The following LOC128092252 variants were observed in gnomAD, a reference collection of about 807,000 sequenced individuals.
the LOC128092252 span, among the ~76,000 whole-genome samples, chr15:50,673,850 A>C: frequency 1.3e-5 from 2 of 152,190 alleles, no homozygotes; most frequent in African/African-American, 4.8e-5. Flanking sequence ...TGTTTCCCAT[A>C]GTGGTTGTAC....
At chr15:50,678,870 A>G in the LOC128092252 span, among the ~76,000 whole-genome samples, 1 of 108,780 alleles carries the variant, frequency 9.2e-6, no homozygotes, top group African/African-American at 3.2e-5. Context: ...ATCTTTGCAA[A>G]AACAAAAAAA....
At chr15:50,652,840 A>AT in the LOC128092252 span, among the ~76,000 whole-genome samples, 2 of 152,120 alleles carry the variant, frequency 1.3e-5, no homozygotes, top group African/African-American at 2.4e-5. Context: ...TCTCAAAAAA[A>AT]GAAAAAAAGG....
chr15:50,666,007 T>TAAAAAAAAAAAAAA, the LOC128092252 span, among the ~76,000 whole-genome samples: 1 of 148,260 alleles, frequency 6.7e-6, no homozygotes, highest in Non-Finnish European at 1.5e-5. Context: ...AATAATAATT[T>TAAAAAAAAAAAAAA]AAAAAAAAGG....
chr15:50,656,564 A>G, the LOC128092252 span, among the ~76,000 whole-genome samples: 1 of 148,188 alleles, frequency 6.7e-6, no homozygotes, highest in African/African-American at 2.5e-5. Flanking sequence ...TCAAACTCCT[A>G]GGCTCAAACC....
chr15:50,668,296 G>T, the LOC128092252 span, among the ~76,000 whole-genome samples: 27,617 of 152,124 alleles, frequency 0.18, 3,236 homozygotes, highest in East Asian at 0.46. Context: ...CTGAATTAAT[G>T]TAAGACTCAT....
chr15:50,674,321 G>A, the LOC128092252 span, among the ~76,000 whole-genome samples: 2 of 151,994 alleles, frequency 1.3e-5, no homozygotes, highest in African/African-American at 4.8e-5. Flanking sequence ...TAGTAGAGAT[G>A]AGGTTTCACC....
chr15:50,665,524 AACC>A, the LOC128092252 span, among the ~76,000 whole-genome samples: 1 of 152,198 alleles, frequency 6.6e-6, no homozygotes, highest in Non-Finnish European at 1.5e-5. Context: ...AAAAATTTTA[AACC>A]ACCAACATTC....
chr15:50,672,941 A>G, the LOC128092252 span, among the ~76,000 whole-genome samples: 1 of 148,624 alleles, frequency 6.7e-6, no homozygotes, highest in Admixed American at 6.7e-5. Flanking sequence ...TAGAATAAGT[A>G]TATAAAGAAA....
At chr15:50,682,513 T>C in the LOC128092252 span, among the ~76,000 whole-genome samples, 3 of 150,776 alleles carry the variant, frequency 2.0e-5, no homozygotes, top group African/African-American at 7.3e-5. Flanking sequence ...GAGGCGGAGG[T>C]TGCAGTGAGC....
the LOC128092252 span, among the ~76,000 whole-genome samples, chr15:50,664,839 T>C: frequency 3.9e-5 from 6 of 152,202 alleles, no homozygotes; most frequent in Non-Finnish European, 4.4e-5. Context: ...TGCACACCTA[T>C]AGTCAGTCCC....
chr15:50,678,517 A>AAAAATAT, the LOC128092252 span, among the ~76,000 whole-genome samples: 5 of 132,720 alleles, frequency 3.8e-5, no homozygotes, highest in African/African-American at 1.1e-4. Flanking sequence ...AAAAAAAAAA[A>AAAAATAT]ATATATATAT....
the LOC128092252 span, among the ~76,000 whole-genome samples, chr15:50,674,608 A>C: frequency 6.6e-6 from 1 of 152,086 alleles, no homozygotes; most frequent in South Asian, 2.1e-4. Context: ...TTCTAAATTA[A>C]CTCTATTTAC....
At chr15:50,649,946 G>A in the LOC128092252 span, among the ~76,000 whole-genome samples, 1 of 152,020 alleles carries the variant, frequency 6.6e-6, no homozygotes, top group Non-Finnish European at 1.5e-5. Context: ...TGTAATCCCA[G>A]CACTTTGGGA....
chr15:50,661,806 A>G, the LOC128092252 span, among the ~76,000 whole-genome samples: 1 of 152,202 alleles, frequency 6.6e-6, no homozygotes, highest in Admixed American at 6.6e-5. Context: ...TCTTGCAAAT[A>G]CTTTTGTCAA....
the LOC128092252 span, among the ~76,000 whole-genome samples, chr15:50,650,978 CAGG>C: frequency 6.6e-6 from 1 of 152,112 alleles, no homozygotes. Context: ...TGCTTGAGCC[CAGG>C]AGTTTAGACC....
At chr15:50,669,028 T>G in the LOC128092252 span, among the ~76,000 whole-genome samples, 1 of 152,140 alleles carries the variant, frequency 6.6e-6, no homozygotes, top group East Asian at 1.9e-4. Context: ...TGTGATAAGT[T>G]AAGAATGTCA....
the LOC128092252 span, chr15:50,648,858 T>C: frequency 2.5e-6 from 4 of 1,610,482 alleles, no homozygotes; most frequent in South Asian, 1.1e-5. Context: ...AACAAGCATG[T>C]TGCTTGACCA....
At chr15:50,649,241 A>G in the LOC128092252 span, among the ~76,000 whole-genome samples, 1 of 152,110 alleles carries the variant, frequency 6.6e-6, no homozygotes, top group African/African-American at 2.4e-5. Context: ...GTTCAAGACC[A>G]TCCTAAGAAA....
chr15:50,656,081 A>T, the LOC128092252 span, among the ~76,000 whole-genome samples: 9 of 152,172 alleles, frequency 5.9e-5, no homozygotes, highest in South Asian at 2.1e-4. Context: ...ACATTCTTCA[A>T]ACATGAAAAT....
Sources: gnomAD v4.1 joint callset for allele counts (sites outside exome capture counted in the v4.1 genomes callset) on GRCh38, gnomAD v4.1.1 for gene constraint, MANE v1.5 for transcripts.